The following CPS1 variants were observed in gnomAD, a reference collection of about 807,000 sequenced individuals.
CPS1 encodes carbamoyl-phosphate synthase 1.
A neutral mutation model predicts 174.6 loss-of-function variants in CPS1; 109 were observed. That is an observed-to-expected ratio of 0.62 (90% confidence interval 0.53 to 0.73). The LOEUF (loss-of-function observed/expected upper bound fraction) is 0.73. Ranked by LOEUF, CPS1 falls within the 30% of genes least tolerant of loss-of-function variation. CPS1 has a pLI of 0.00. For synonymous variants in CPS1, 637 were observed against 632.0 expected (o/e 1.01, Z -0.12); for missense variants, 1,689 against 1,821.9 (o/e 0.93, Z 1.33).
chr2:210,555,373 T>G (rs1172303994), upstream of CPS1, among the ~76,000 whole-genome samples: 2 of 152,054 alleles, frequency 1.3e-5, no homozygotes, highest in African/African-American at 4.8e-5. Context: ...TATTTTCCCA[T>G]TGCATTTGGG....
intron 1 of CPS1, among the ~76,000 whole-genome samples, chr2:210,557,832 G>C (rs1328418303): frequency 6.6e-6 from 1 of 152,150 alleles, no homozygotes; most frequent in East Asian, 1.9e-4. Flanking sequence ...CATGCTCATT[G>C]AGTTGACTAA....
chr2:210,590,764 G>A (rs1327265880), intron 8 of CPS1, 36 bp from the exon 9 acceptor site: 1 of 1,538,794 alleles, frequency 6.5e-7, no homozygotes, highest in Non-Finnish European at 9.0e-7. Context: ...TTTTGGAACT[G>A]TACTAATTGG....
chr2:210,552,628 TC>T (rs1379107280), upstream of CPS1, among the ~76,000 whole-genome samples: 1 of 152,028 alleles, frequency 6.6e-6, no homozygotes, highest in Non-Finnish European at 1.5e-5. Flanking sequence ...CATCCTGTTC[TC>T]ATTTTTTTTT....
intron 1 of CPS1, among the ~76,000 whole-genome samples, chr2:210,566,221 A>G (rs1398622296): frequency 1.3e-5 from 2 of 152,132 alleles, no homozygotes; most frequent in Non-Finnish European, 2.9e-5. Context: ...CATTATTAAT[A>G]TGAATAATTA....
At chr2:210,497,889 CATACATATATAT>C (rs1319012066) in intron 1 of CPS1, among the ~76,000 whole-genome samples, 2 of 63,066 alleles carry the variant, frequency 3.2e-5, no homozygotes, top group African/African-American at 5.0e-5. Context: ...ACAATATATA[CATACATATATAT>C]ATATATATAT....
intron 1 of CPS1, among the ~76,000 whole-genome samples, chr2:210,497,990 A>T (rs956843249): frequency 2.0e-5 from 3 of 148,184 alleles, no homozygotes; most frequent in African/African-American, 7.4e-5. Flanking sequence ...AGAAATCTCT[A>T]AACTGCTTTC....
chr2:210,567,113 GT>G (rs1697328690), intron 1 of CPS1, among the ~76,000 whole-genome samples: 2 of 152,066 alleles, frequency 1.3e-5, no homozygotes, highest in Non-Finnish European at 2.9e-5. Flanking sequence ...ATAGTGACAG[GT>G]CAATCTACGT....
intron 1 of CPS1, among the ~76,000 whole-genome samples, chr2:210,524,695 T>C (rs1400093326): frequency 6.6e-6 from 1 of 151,946 alleles, no homozygotes; most frequent in East Asian, 1.9e-4. Flanking sequence ...TCAGATTCTC[T>C]GTTAGGTTGA....
rs1222081568 is a variant in CPS1 at position 210,642,657 on chromosome 2, C to T, written c.3133C>T (p.His1045Tyr). ...CTTGGAGAGAATCCTAGACATCTAC[C>T]ATCAGGAGGTAAGAAAAGAAAAACA... ...LSLERILDIY[H>Y]QEACGGCIIS... Residue 1045 changes from histidine to tyrosine, a missense_variant, in exon 25 of 38, where the codon CAT becomes TAT. Coordinates refer to ENST00000233072, the MANE Select transcript of CPS1 (RefSeq NM_001875.5). 1 of 1,613,374 alleles carries T rather than the reference C, an allele frequency of 6.2e-7. No homozygotes were observed. Among genetic ancestry groups the T allele is most frequent in the Non-Finnish European group, 8.5e-7 (1 of 1,179,748 alleles).
intron 21 of CPS1, among the ~76,000 whole-genome samples, chr2:210,626,626 A>G (rs1699707242): frequency 6.6e-6 from 1 of 152,164 alleles, no homozygotes; most frequent in Admixed American, 6.5e-5. Context: ...TGTAGGCAGT[A>G]TAGGTATATC....
At chr2:210,514,887 G>GT (rs982742256) in intron 1 of CPS1, among the ~76,000 whole-genome samples, 130 of 141,792 alleles carry the variant, frequency 9.2e-4, no homozygotes, top group African/African-American at 1.5e-3. Context: ...AGTTTGTTGA[G>GT]TTTTTTTTTT....
chr2:210,630,101 AAAAC>A (rs1699822948), intron 21 of CPS1, among the ~76,000 whole-genome samples: 1 of 151,404 alleles, frequency 6.6e-6, no homozygotes, highest in Non-Finnish European at 1.5e-5. Flanking sequence ...ACAAAAAAAA[AAAAC>A]AAAACCATGA....
Position 210,594,617 on chromosome 2 carries a change from G to A in CPS1, c.1263+11G>A, listed in dbSNP as rs1559095228. ...GCATCTCGGGTTGAGGTCAGTATGT[G>A]GGCTTATTTTTGGTTTATGAATTTT... On this transcript the variant is annotated intron_variant, in intron 12 of 37. Transcript: ENST00000233072. 1 of 1,597,560 alleles carries A rather than the reference G, an allele frequency of 6.3e-7. No homozygotes were observed.
chr2:210,538,279 A>G (rs933254550), intron 1 of CPS1, among the ~76,000 whole-genome samples: 4 of 152,134 alleles, frequency 2.6e-5, no homozygotes, highest in Non-Finnish European at 5.9e-5. Context: ...TAAAGTCTGT[A>G]TCCTTATTTC....
intron 1 of CPS1, among the ~76,000 whole-genome samples, chr2:210,480,975 T>C (rs3856347): frequency 0.42 from 64,309 of 152,092 alleles, 15,214 homozygotes; most frequent in East Asian, 0.61. Flanking sequence ...AAGCGCACTA[T>C]GGAACACTTT....
chr2:210,508,506 G>T (rs887147366), intron 1 of CPS1, among the ~76,000 whole-genome samples: 1 of 152,104 alleles, frequency 6.6e-6, no homozygotes, highest in African/African-American at 2.4e-5. Flanking sequence ...AAAGCTAGCA[G>T]AAGGCAAGAA....
chr2:210,673,796 A>G (rs770437980), intron 34 of CPS1: 9 of 152,208 alleles, frequency 5.9e-5, no homozygotes, highest in Non-Finnish European at 1.2e-4. Context: ...TAATGTAAGA[A>G]CTGTTACTAT....
chr2:210,623,969 T>C (rs1481424548), intron 21 of CPS1, among the ~76,000 whole-genome samples: 1 of 152,126 alleles, frequency 6.6e-6, no homozygotes, highest in Non-Finnish European at 1.5e-5. Flanking sequence ...CAATGTATAT[T>C]TTCTGGTAGA....
intron 33 of CPS1, among the ~76,000 whole-genome samples, chr2:210,667,907 G>C (rs185394689): frequency 1.3e-5 from 2 of 152,188 alleles, no homozygotes; most frequent in East Asian, 3.9e-4. Context: ...GAGTGTTGTT[G>C]GATAGAAAAA....
Sources: allele counts gnomAD v4.1 joint callset (sites outside exome capture counted in the v4.1 genomes callset), GRCh38; gene constraint gnomAD v4.1.1; transcripts MANE v1.5; gene names NCBI Gene and HGNC (gene_info 2026-07-23, HGNC 2026-07-21).